Variants in STK3 observed in about 807,000 individuals in gnomAD.
The protein encoded by STK3 is serine/threonine kinase 3, also known as serine/threonine-protein kinase 3.
In STK3, 41 loss-of-function variants were observed where a neutral mutation model predicts 58.0. The ratio of observed to expected loss-of-function variants is 0.71; its 90% CI spans 0.55 to 0.92. The LOEUF (loss-of-function observed/expected upper bound fraction) is 0.92, where lower values mean the gene tolerates loss of function less well. Ranked by LOEUF, STK3 falls within the 40% of genes least tolerant of loss-of-function variation. STK3 has a pLI of 0.00. For missense variants in STK3, 479 were observed against 602.7 expected (o/e 0.79, Z 2.15); for synonymous variants, 170 against 191.0 (o/e 0.89, Z 0.91).
chr8:98,427,180 C>A (rs1410482267), intron 3 of STK3: 1 of 150,274 alleles, frequency 6.7e-6, no homozygotes, highest in South Asian at 2.1e-4. Context: ...CGGGAGGAGA[C>A]GCTCGGCGGC....
At chr8:98,624,580 G>A (rs764576973) in intron 6 of STK3, among the ~76,000 whole-genome samples, 5 of 152,148 alleles carry the variant, frequency 3.3e-5, no homozygotes, top group Admixed American at 1.3e-4. Context: ...AGCCGGGTGC[G>A]GTAGTTCATG....
At chr8:98,461,494 T>G (rs1356943955) in intron 10 of STK3, among the ~76,000 whole-genome samples, 1 of 152,244 alleles carries the variant, frequency 6.6e-6, no homozygotes, top group East Asian at 1.9e-4. Flanking sequence ...ACATTAATAC[T>G]GAAATGTGAG....
intron 6 of STK3, among the ~76,000 whole-genome samples, chr8:98,623,811 G>A (rs573393415): frequency 6.6e-6 from 1 of 152,266 alleles, no homozygotes; most frequent in African/African-American, 2.4e-5. Flanking sequence ...CAAAGGCCAT[G>A]TGAGAACACA....
intron 1 of STK3, among the ~76,000 whole-genome samples, chr8:98,895,239 A>T (rs770961683): frequency 1.3e-5 from 2 of 152,168 alleles, no homozygotes; most frequent in Non-Finnish European, 2.9e-5. Flanking sequence ...ACTCTTGTTA[A>T]AACAGACTCT....
At chr8:98,496,460 C>T (rs1163323798) in intron 10 of STK3, among the ~76,000 whole-genome samples, 1 of 152,064 alleles carries the variant, frequency 6.6e-6, no homozygotes, top group East Asian at 1.9e-4. Flanking sequence ...AAGAAATATA[C>T]AACCTATACT....
intron 8 of STK3, among the ~76,000 whole-genome samples, chr8:98,569,687 TAA>T (rs1812805792): frequency 6.6e-6 from 1 of 151,936 alleles, no homozygotes; most frequent in African/African-American, 2.4e-5. Context: ...TAATATGATA[TAA>T]GTGAACAGTA....
At chr8:98,621,959 T>C (rs1331571178) in intron 6 of STK3, among the ~76,000 whole-genome samples, 3 of 151,592 alleles carry the variant, frequency 2.0e-5, no homozygotes, top group Non-Finnish European at 4.4e-5. Context: ...TGAAAAATTC[T>C]ACATACAAAA....
At chr8:98,851,460 T>A (rs1375448451) in intron 3 of STK3, among the ~76,000 whole-genome samples, 1 of 152,212 alleles carries the variant, frequency 6.6e-6, no homozygotes, top group African/African-American at 2.4e-5. Context: ...TTGCCTTCTG[T>A]GTTACTACAG....
At chr8:98,789,711 T>C (rs764099872) in intron 1 of STK3, among the ~76,000 whole-genome samples, 1 of 152,040 alleles carries the variant, frequency 6.6e-6, no homozygotes, top group Non-Finnish European at 1.5e-5. Context: ...TCAGGAAGAA[T>C]TAGATACCCT....
At chr8:98,678,093 T>C (rs1823359092) in intron 6 of STK3, among the ~76,000 whole-genome samples, 2 of 152,264 alleles carry the variant, frequency 1.3e-5, no homozygotes, top group South Asian at 4.1e-4. Flanking sequence ...TCTAACAATC[T>C]GTTCATTATT....
At chr8:98,466,310 T>C (rs1044996632) in intron 10 of STK3, among the ~76,000 whole-genome samples, 4 of 152,196 alleles carry the variant, frequency 2.6e-5, no homozygotes, top group African/African-American at 4.8e-5. Context: ...TGTGGAGCAA[T>C]AATATAAACT....
intron 1 of STK3, among the ~76,000 whole-genome samples, chr8:98,890,507 C>T (rs1838156137): frequency 6.6e-6 from 1 of 152,162 alleles, no homozygotes. Flanking sequence ...TCAGGAAACA[C>T]CAACCAGACC....
In STK3 at chr8:98,716,050, C is replaced by T. The variant is rs557008764; in HGVS notation, c.352-8739G>A. 1.3e-4 allele frequency among the ~76,000 whole-genome samples: 20 copies of T among 152,152 alleles called. No individual in the cohort carries two copies. In the East Asian group the frequency reaches 1.9e-3, roughly 15 times the overall value. The stretch of plus-strand genomic sequence containing the variant: ...TGCAAGGACAAAAAAAAACAAACAC[C>T]GCATGTTCTCACTCATAGGTGGAAA... On this transcript the variant is annotated intron_variant, in intron 4 of 10. Transcript: ENST00000419617.
chr8:98,477,828 T>C (rs2131262597), intron 10 of STK3, among the ~76,000 whole-genome samples: 1 of 149,414 alleles, frequency 6.7e-6, no homozygotes, highest in East Asian at 2.0e-4. Flanking sequence ...AATGAACGTT[T>C]GGTGGGGTCA....
intron 6 of STK3, among the ~76,000 whole-genome samples, chr8:98,665,541 G>T (rs1490172901): frequency 1.3e-5 from 2 of 151,944 alleles, no homozygotes; most frequent in East Asian, 1.9e-4. Context: ...GGGACTACAG[G>T]TATGTGCAAC....
chr8:98,793,627 C>T (rs1259863746), intron 1 of STK3, among the ~76,000 whole-genome samples: 1 of 152,110 alleles, frequency 6.6e-6, no homozygotes, highest in East Asian at 1.9e-4. Flanking sequence ...AATGCATTAG[C>T]CTGACCACTG....
chr8:98,722,921 T>C (rs1323510199), intron 4 of STK3: 1 of 503,892 alleles, frequency 2.0e-6, no homozygotes, highest in African/African-American at 2.0e-5. Context: ...GTTAGATCCA[T>C]TCTCAAATCA....
chr8:98,792,029 T>C (rs1031095337), intron 1 of STK3, among the ~76,000 whole-genome samples: 3 of 152,110 alleles, frequency 2.0e-5, no homozygotes, highest in Admixed American at 6.6e-5. Flanking sequence ...AGACAACCCA[T>C]AGAGTGGGAG....
chr8:98,632,184 T>C (rs897706442), intron 6 of STK3, among the ~76,000 whole-genome samples: 3 of 152,166 alleles, frequency 2.0e-5, no homozygotes, highest in African/African-American at 7.2e-5. Flanking sequence ...GGATCACTAG[T>C]GGTAATATAT....
Sources: allele counts gnomAD v4.1 joint callset (sites outside exome capture counted in the v4.1 genomes callset), GRCh38; gene constraint gnomAD v4.1.1; transcripts MANE v1.5; gene names NCBI Gene and HGNC (gene_info 2026-07-23, HGNC 2026-07-21).